Variants in PRKG1 observed in about 807,000 individuals in gnomAD.
PRKG1 encodes protein kinase cGMP-dependent 1, also known as cGMP-dependent protein kinase 1.
Under a neutral mutation model 88.1 loss-of-function variants are expected in PRKG1, and 35 were observed. The observed-to-expected ratio is 0.40, with a 90% CI of 0.30 to 0.53. The LOEUF is 0.53. PRKG1 is among the 20% of genes least tolerant of loss of function. The probability of loss-of-function intolerance (pLI) is 0.59; values close to 1 mark genes in which losing one functional copy is unlikely to be tolerated. For synonymous variants in PRKG1, 303 were observed against 292.5 expected (o/e 1.04, Z -0.37); for missense variants, 540 against 839.8 (o/e 0.64, Z 4.41).
At chr10:51,770,619 G>A (rs192543988) in intron 3 of PRKG1, among the ~76,000 whole-genome samples, 98 of 152,248 alleles carry the variant, frequency 6.4e-4, no homozygotes, top group African/African-American at 2.2e-3. Context: ...TCAGATCAGC[G>A]GAAGCATTAG....
At chr10:51,255,966 T>C (rs1839547929) in intron 2 of PRKG1, among the ~76,000 whole-genome samples, 1 of 152,142 alleles carries the variant, frequency 6.6e-6, no homozygotes, top group Non-Finnish European at 1.5e-5. Flanking sequence ...AGACTTCTAA[T>C]GGGTCCAGAT....
intron 3 of PRKG1, among the ~76,000 whole-genome samples, chr10:51,671,734 C>T (rs951550359): frequency 2.6e-5 from 4 of 151,992 alleles, no homozygotes; most frequent in Non-Finnish European, 5.9e-5. Flanking sequence ...TTACATGCAC[C>T]TGCCACCATG....
intron 3 of PRKG1, among the ~76,000 whole-genome samples, chr10:51,668,855 T>C (rs1224397845): frequency 1.3e-5 from 2 of 152,334 alleles, no homozygotes; most frequent in East Asian, 3.9e-4. Flanking sequence ...AGTCTATTAG[T>C]TGTATTTATT....
intron 2 of PRKG1, chr10:51,245,480 C>T (rs1438219251): frequency 2.0e-5 from 3 of 152,068 alleles, no homozygotes; most frequent in Non-Finnish European, 2.9e-5. Flanking sequence ...TGCACACTAT[C>T]TTCCTTACTC....
At chr10:52,072,158 CTTTTTTTTTTTTTTTTT>C (rs60576406) in intron 7 of PRKG1, among the ~76,000 whole-genome samples, 2 of 39,556 alleles carry the variant, frequency 5.1e-5, no homozygotes, top group African/African-American at 2.2e-4. Context: ...TATTGTTTTG[CTTTTTTTTTTTTTTTTT>C]TTTTTTTTTA....
At chr10:51,370,597 TC>T (rs2132607166) in intron 2 of PRKG1, among the ~76,000 whole-genome samples, 1 of 151,716 alleles carries the variant, frequency 6.6e-6, no homozygotes, top group South Asian at 2.1e-4. Context: ...TTATAATGCA[TC>T]CCATCAGTGA....
chr10:51,357,064 A>G (rs1370825463), intron 2 of PRKG1, among the ~76,000 whole-genome samples: 3 of 151,998 alleles, frequency 2.0e-5, no homozygotes, highest in African/African-American at 7.2e-5. Context: ...GTGGCTGGAA[A>G]TGGCAGGAGC....
chr10:51,091,258 T>G (rs2339677), intron 1 of PRKG1, among the ~76,000 whole-genome samples: 9,757 of 152,184 alleles, frequency 0.064, 461 homozygotes, highest in East Asian at 0.15. Context: ...AACTTACCTA[T>G]TATACATGTA....
At chr10:51,900,748 T>C (rs1841962377) in intron 4 of PRKG1, among the ~76,000 whole-genome samples, 1 of 152,080 alleles carries the variant, frequency 6.6e-6, no homozygotes. Flanking sequence ...TTTTGAAAAA[T>C]AGGCTGCCAA....
At chr10:51,659,029 G>A (rs150728886) in intron 3 of PRKG1, among the ~76,000 whole-genome samples, 1,646 of 152,108 alleles carry the variant, frequency 0.011, 18 homozygotes, top group Non-Finnish European at 0.017. Flanking sequence ...GATCACCAGC[G>A]AATTCTCTGT....
chr10:51,997,521 C>T (rs1243325108), intron 5 of PRKG1, among the ~76,000 whole-genome samples: 1 of 148,988 alleles, frequency 6.7e-6, no homozygotes, highest in Non-Finnish European at 1.5e-5. Context: ...ACTTCTATAA[C>T]ATAGTGGCTA....
chr10:52,251,633 C>G lies in PRKG1; in HGVS notation c.1140C>G (p.Thr380=). 2.5e-6 allele frequency: 4 copies of G among 1,613,442 alleles called. No individual in the cohort carries two copies. The highest frequency in any genetic ancestry group is 2.5e-6 in the Non-Finnish European group (3 of 1,179,570). ...LKLSDFNIID[T]LGVGGFGRVE... ...TGTCTGATTTCAACATCATTGATAC[C>G]CTTGGAGTTGGAGGTTTCGGACGAG... Residue 380 remains threonine (T), a synonymous_variant, in exon 10 of 18, where the codon ACC becomes ACG. Transcript: ENST00000373980.
At chr10:51,314,937 A>G (rs1283609806) in intron 2 of PRKG1, among the ~76,000 whole-genome samples, 3 of 152,156 alleles carry the variant, frequency 2.0e-5, no homozygotes, top group Non-Finnish European at 4.4e-5. Flanking sequence ...GTTGGTTTCT[A>G]CTCATGCCAT....
At chr10:52,220,420 T>TAC (rs1840214908) in intron 9 of PRKG1, among the ~76,000 whole-genome samples, 1 of 152,124 alleles carries the variant, frequency 6.6e-6, no homozygotes, top group African/African-American at 2.4e-5. Flanking sequence ...CTTTTATATA[T>TAC]ATATATATAT....
intron 3 of PRKG1, among the ~76,000 whole-genome samples, chr10:51,712,580 C>CTTTT (rs60053336): frequency 2.2e-4 from 21 of 96,006 alleles, no homozygotes; most frequent in African/African-American, 3.3e-4. Context: ...AATATTATTC[C>CTTTT]TTTTTTTTTT....
Position 52,102,339 on chromosome 10 carries a change from A to G in PRKG1, c.936-31501A>G, listed in dbSNP as rs7897849. Among the ~76,000 whole-genome samples, 1,313 of 152,212 alleles carry G rather than the reference A, an allele frequency of 8.6e-3. 14 individuals are homozygous for G. Among genetic ancestry groups the G allele is most frequent in the African/African-American group, 0.031 (1,275 of 41,528 alleles). On this transcript the variant is annotated intron_variant, in intron 7 of 17. Transcript: ENST00000373980. ...GAGTCACATGACGTTTAAGGCACAA[A>G]CATCACAACCATATGCTGTGGAAAG... is the stretch of plus-strand genomic sequence containing the variant.
At chr10:51,970,097 T>C (rs1050776327) in intron 5 of PRKG1, among the ~76,000 whole-genome samples, 14 of 151,562 alleles carry the variant, frequency 9.2e-5, no homozygotes, top group Non-Finnish European at 7.4e-5. Flanking sequence ...AACCATTATG[T>C]TATATATATC....
chr10:51,783,487 G>A (rs565088387), intron 3 of PRKG1, among the ~76,000 whole-genome samples: 1 of 152,120 alleles, frequency 6.6e-6, no homozygotes, highest in Admixed American at 6.6e-5. Context: ...TCACCATGTT[G>A]GCCAGGCTGG....
intron 2 of PRKG1, among the ~76,000 whole-genome samples, chr10:51,386,384 G>A (rs1837249213): frequency 6.6e-6 from 1 of 152,126 alleles, no homozygotes; most frequent in Admixed American, 6.6e-5. Flanking sequence ...TGGAGACCCA[G>A]GACTAGTGAT....
Sources: gnomAD v4.1 joint callset for allele counts (sites outside exome capture counted in the v4.1 genomes callset) on GRCh38, gnomAD v4.1.1 for gene constraint, MANE v1.5 for transcripts, NCBI Gene and HGNC (gene_info 2026-07-23, HGNC 2026-07-21) for gene names.